Variants in CERS3 observed in about 807,000 individuals in gnomAD.
CERS3 encodes the protein LAG1 homolog, ceramide synthase 3.
Under a neutral mutation model 50.3 loss-of-function variants are expected in CERS3, and 33 were observed. The ratio of observed to expected loss-of-function variants is 0.66; its 90% CI spans 0.50 to 0.88. The LOEUF is 0.88. CERS3 is among the 40% of genes least tolerant of loss of function. The pLI is 0.00. For missense variants in CERS3, 470 were observed against 460.3 expected, an observed-to-expected ratio of 1.02 and a Z score of -0.19; for synonymous variants, 176 against 155.2, an observed-to-expected ratio of 1.13 and a Z score of -0.99.
At position 100,401,540 on chromosome 15, in the gene CERS3, G is replaced by A. The variant is rs2142033437; in HGVS notation, c.*1173C>T. 1 of 152,462 alleles carries A rather than the reference G, an allele frequency of 6.6e-6. No individual in the cohort carries two copies. Among genetic ancestry groups the A allele is most frequent in the Non-Finnish European group, 1.5e-5 (1 of 68,122 alleles). 9.4% of individuals were successfully genotyped at this position (152,462 alleles called of 1,614,324 possible). ...GCCCTTAAACATTTCTCAGGGGTAT[G>A]CCTTTTATGGCCTTTTGTGTTGTGT... On this transcript the variant is annotated 3_prime_UTR_variant, in exon 12 of 12. Transcript: ENST00000679737.
intron 11 of CERS3, among the ~76,000 whole-genome samples, chr15:100,449,303 A>G (rs937169578): frequency 2.2e-4 from 33 of 152,148 alleles, no homozygotes; most frequent in Admixed American, 3.9e-4. Flanking sequence ...GCCAACACCA[A>G]TGCAGACCAC....
intron 10 of CERS3, among the ~76,000 whole-genome samples, chr15:100,465,607 A>C (rs186113381): frequency 6.6e-6 from 1 of 152,184 alleles, no homozygotes; most frequent in East Asian, 1.9e-4. Flanking sequence ...GAATCAGTCA[A>C]CGTCAATACA....
intron 2 of CERS3, among the ~76,000 whole-genome samples, chr15:100,513,184 C>T (rs11635009): frequency 0.32 from 49,247 of 152,014 alleles, 8,147 homozygotes; most frequent in East Asian, 0.37. Flanking sequence ...TCTAGGTTGC[C>T]ATCTATCAGC....
intron 1 of CERS3, among the ~76,000 whole-genome samples, chr15:100,534,640 G>A (rs1396976830): frequency 6.9e-6 from 1 of 143,914 alleles, no homozygotes; most frequent in Non-Finnish European, 1.5e-5. Context: ...CTCATTTGGA[G>A]AGGCTAATCA....
intron 3 of CERS3, among the ~76,000 whole-genome samples, chr15:100,493,980 G>A (rs1048403868): frequency 1.1e-4 from 17 of 151,706 alleles, no homozygotes; most frequent in Admixed American, 1.1e-3. Flanking sequence ...CCTCTAATAA[G>A]TCCACTATCT....
intron 11 of CERS3, among the ~76,000 whole-genome samples, chr15:100,411,546 G>C (rs1281936563): frequency 1.3e-5 from 2 of 152,172 alleles, no homozygotes; most frequent in African/African-American, 4.8e-5. Context: ...CTCAATGGTC[G>C]CTGGATTGCT....
chr15:100,528,102 G>C (rs1596817638), intron 1 of CERS3, among the ~76,000 whole-genome samples: 1 of 152,126 alleles, frequency 6.6e-6, no homozygotes, highest in African/African-American at 2.4e-5. Context: ...TTGTGTAAAG[G>C]TTTCAAAAAA....
At chr15:100,531,273 CT>C (rs1390641601), upstream of CERS3, among the ~76,000 whole-genome samples, 7 of 152,218 alleles carry the variant, frequency 4.6e-5, no homozygotes, top group African/African-American at 1.7e-4. Flanking sequence ...TCAGCATCTG[CT>C]GTCTTTTTTG....
chr15:100,493,498 T>C (rs1184807731), intron 3 of CERS3, among the ~76,000 whole-genome samples: 2 of 152,240 alleles, frequency 1.3e-5, no homozygotes, highest in African/African-American at 4.8e-5. Context: ...GACAAGTTGA[T>C]TATGACATAT....
At chr15:100,467,850 T>TATATATATATAGATAGATAGATAG (rs145899470) in intron 10 of CERS3, among the ~76,000 whole-genome samples, 2 of 93,136 alleles carry the variant, frequency 2.1e-5, no homozygotes, top group Non-Finnish European at 4.6e-5. Context: ...TATATATATA[T>TATATATATATAGATAGATAGATAG]ATAGATAGAT....
upstream of CERS3, among the ~76,000 whole-genome samples, chr15:100,533,711 C>G (rs1003960000): frequency 2.0e-5 from 3 of 151,998 alleles, no homozygotes; most frequent in Non-Finnish European, 4.4e-5. Flanking sequence ...GCACGTGTTA[C>G]CACCCCCAGC....
chr15:100,429,761 A>G (rs2033017847), intron 11 of CERS3, among the ~76,000 whole-genome samples: 1 of 152,180 alleles, frequency 6.6e-6, no homozygotes. Flanking sequence ...TTTCTTAAAT[A>G]AACATACTTA....
In CERS3 at chr15:100,540,735, C is replaced by T. The variant is rs377132113; in HGVS notation, c.-355+3916G>A. On this transcript the variant is annotated intron_variant, in intron 1 of 12. Transcript: ENST00000284382. ...GCGCGTACAGGTATGTGTTCTGACT[C>T]CAGTAAGCTCTTCATCCTATGAGCC... Among the ~76,000 whole-genome samples the T allele has an allele frequency of 5.3e-4, 81 of 152,262 alleles. 1 individual carries two copies. The highest frequency in any genetic ancestry group is 1.9e-3 in the African/African-American group (77 of 41,564).
intron 10 of CERS3, 108 bp from the exon 11 acceptor site, chr15:100,456,154 T>C (rs1438045913): frequency 3.0e-6 from 2 of 676,930 alleles, no homozygotes; most frequent in East Asian, 3.3e-5. Context: ...ATTTCGTTTC[T>C]AATAAAGCCC....
chr15:100,434,096 T>C (rs962152280), intron 11 of CERS3, among the ~76,000 whole-genome samples: 4 of 152,102 alleles, frequency 2.6e-5, no homozygotes, highest in South Asian at 4.1e-4. Flanking sequence ...CTCAGCAGAG[T>C]CAGTTCCATT....
chr15:100,476,040 A>C, intron 8 of CERS3, 46 bp downstream of exon 8: 1 of 1,374,858 alleles, frequency 7.3e-7, no homozygotes, highest in Admixed American at 2.5e-5. Context: ...GGAGATGGCA[A>C]TTTTTGAAGA....
At chr15:100,519,693 C>T (rs1454257303) in intron 2 of CERS3, among the ~76,000 whole-genome samples, 3 of 152,212 alleles carry the variant, frequency 2.0e-5, no homozygotes, top group African/African-American at 4.8e-5. Context: ...TGTTACTCAT[C>T]TGCCATCTTA....
intron 11 of CERS3, among the ~76,000 whole-genome samples, chr15:100,418,920 T>A (rs1201992196): frequency 6.6e-6 from 1 of 151,318 alleles, no homozygotes; most frequent in Non-Finnish European, 1.5e-5. Flanking sequence ...TTACAAGAGC[T>A]CCTGAAGGAA....
intron 10 of CERS3, among the ~76,000 whole-genome samples, chr15:100,466,481 A>C (rs1336579815): frequency 1.3e-5 from 2 of 152,190 alleles, no homozygotes; most frequent in African/African-American, 2.4e-5. Context: ...AGTCAGATTT[A>C]GTGACCTGGT....
Sources: gnomAD v4.1 joint callset for allele counts (sites outside exome capture counted in the v4.1 genomes callset) on GRCh38, gnomAD v4.1.1 for gene constraint, MANE v1.5 for transcripts, NCBI Gene and HGNC (gene_info 2026-07-23, HGNC 2026-07-21) for gene names.